DOCK8: variants seen among roughly 807,000 people sequenced by gnomAD.
The protein encoded by DOCK8 is dedicator of cytokinesis protein 8.
A neutral mutation model predicts 245.6 loss-of-function variants in DOCK8; 141 were observed. The ratio of observed to expected loss-of-function variants is 0.57; its 90% CI spans 0.50 to 0.66. The LOEUF (loss-of-function observed/expected upper bound fraction) is 0.66, where lower values mean the gene tolerates loss of function less well. Ranked by LOEUF, DOCK8 falls within the 30% of genes least tolerant of loss-of-function variation. DOCK8 has a pLI of 0.00. For missense variants in DOCK8, 2,965 were observed against 2,603.4 expected (o/e 1.14, Z -3.02); for synonymous variants, 1,168 against 970.2 (o/e 1.20, Z -3.79).
At chr9:304,134 C>T (rs535010628) in intron 4 of DOCK8, among the ~76,000 whole-genome samples, 2 of 152,162 alleles carry the variant, frequency 1.3e-5, no homozygotes, top group Non-Finnish European at 2.9e-5. Flanking sequence ...TTTTTCTTAA[C>T]CATGTCCCGC....
At chr9:371,693 C>T (rs771156156) in intron 17 of DOCK8, 127 bp downstream of exon 17, 3 of 1,260,220 alleles carry the variant, frequency 2.4e-6, no homozygotes, top group South Asian at 1.3e-5. Flanking sequence ...CATGCTAAGC[C>T]ACATTATAGC....
At chr9:455,230 C>A (rs1454361730) in intron 46 of DOCK8, among the ~76,000 whole-genome samples, 1 of 152,150 alleles carries the variant, frequency 6.6e-6, no homozygotes, top group Non-Finnish European at 1.5e-5. Context: ...TGCAGTGGCT[C>A]CGCCTCTAAT....
chr9:450,659 T>G, intron 45 of DOCK8, among the ~76,000 whole-genome samples: 1 of 152,038 alleles, frequency 6.6e-6, no homozygotes, highest in East Asian at 1.9e-4. Flanking sequence ...ACAAAAGTTC[T>G]GAGTGTACTT....
chr9:273,630 A>G (rs1449538558), intron 2 of DOCK8, among the ~76,000 whole-genome samples: 7 of 151,784 alleles, frequency 4.6e-5, no homozygotes, highest in Non-Finnish European at 1.0e-4. Flanking sequence ...CTCCTAAGAG[A>G]CGTTAAGGAA....
At chr9:431,656 C>T (rs2056718500) in intron 36 of DOCK8, among the ~76,000 whole-genome samples, 3 of 152,066 alleles carry the variant, frequency 2.0e-5, no homozygotes, top group Admixed American at 2.0e-4. Context: ...TTACAGGTGT[C>T]CACCACCATG....
chr9:222,128 T>G (rs1303733524), intron 1 of DOCK8, among the ~76,000 whole-genome samples: 1 of 151,696 alleles, frequency 6.6e-6, no homozygotes, highest in Non-Finnish European at 1.5e-5. Context: ...GCAGACAGGG[T>G]GGTGCATGCC....
chr9:397,223 A>G (rs1178345186), intron 25 of DOCK8, among the ~76,000 whole-genome samples: 1 of 151,670 alleles, frequency 6.6e-6, no homozygotes, highest in Non-Finnish European at 1.5e-5. Context: ...ATGGTTGTGC[A>G]TATCTGTAAT....
At position 370,415 on chromosome 9, in the gene DOCK8, G is replaced by A. The variant is rs776637497; in HGVS notation, c.1868+115G>A. The A allele has an allele frequency of 3.2e-5, 29 of 907,466 alleles. No individual in the cohort carries two copies. The Admixed American group carries it at 5.2e-4, about 16-fold the overall frequency. 56.2% of individuals were successfully genotyped at this position (907,466 alleles called of 1,614,324 possible). A position where few individuals can be genotyped will look rare whatever the true frequency, so the allele number is the denominator to read the frequency against. On this transcript the variant is annotated intron_variant, in intron 16 of 47. Coordinates refer to ENST00000432829, the MANE Select transcript of DOCK8 (RefSeq NM_203447.4). Reference sequence around the variant, plus strand: ...ATTTTTATAATTCAGGGACTGAGGGGCAAAGGAAATCCATGCCAGTTCCGT... The same window carrying A: ...ATTTTTATAATTCAGGGACTGAGGGACAAAGGAAATCCATGCCAGTTCCGT...
chr9:328,901 A>G (rs1461575588), intron 9 of DOCK8, among the ~76,000 whole-genome samples: 4 of 109,688 alleles, frequency 3.6e-5, no homozygotes, highest in Non-Finnish European at 5.7e-5. Context: ...AACATCAGGT[A>G]TTTTACCTAC....
At chr9:224,390 T>C (rs948574311) in intron 1 of DOCK8, among the ~76,000 whole-genome samples, 2 of 152,182 alleles carry the variant, frequency 1.3e-5, no homozygotes, top group Non-Finnish European at 2.9e-5. Flanking sequence ...ACCTCATTGC[T>C]TGGAGACTCA....
chr9:304,440 T>A, intron 4 of DOCK8, 141 bp from the exon 5 acceptor site: 1 of 1,111,982 alleles, frequency 9.0e-7, no homozygotes. Flanking sequence ...TAATTAAATG[T>A]GAGGAATTAT....
intron 46 of DOCK8, among the ~76,000 whole-genome samples, chr9:461,908 T>C (rs1293804311): frequency 6.6e-6 from 1 of 151,988 alleles, no homozygotes; most frequent in Non-Finnish European, 1.5e-5. Flanking sequence ...TCCTGGTCTC[T>C]TTTTTCATTT....
At chr9:340,596 G>A (rs781085023) in intron 14 of DOCK8, 5 of 347,590 alleles carry the variant, frequency 1.4e-5, no homozygotes, top group Non-Finnish European at 2.7e-5. Flanking sequence ...ACTCCAGCCT[G>A]GGAGACAGAA....
intron 2 of DOCK8, chr9:276,964 G>A (rs912874622): frequency 8.9e-6 from 3 of 337,258 alleles, no homozygotes; most frequent in Non-Finnish European, 1.2e-5. Context: ...GCACCATTGC[G>A]CCTGGCTAAT....
intron 1 of DOCK8, among the ~76,000 whole-genome samples, chr9:258,667 G>T (rs927737543): frequency 1.5e-5 from 2 of 136,770 alleles, no homozygotes; most frequent in African/African-American, 5.5e-5. Context: ...TCACGATCTC[G>T]GCATACTGCA....
chr9:375,633 G>A (rs7028758), intron 18 of DOCK8, among the ~76,000 whole-genome samples: 61,883 of 152,004 alleles, frequency 0.41, 16,435 homozygotes, highest in African/African-American at 0.76. Flanking sequence ...ACACCGTTCA[G>A]CCCTCTTCTC....
intron 8 of DOCK8, among the ~76,000 whole-genome samples, chr9:327,473 A>G (rs1305333644): frequency 7.2e-6 from 1 of 138,600 alleles, no homozygotes; most frequent in African/African-American, 2.8e-5. Flanking sequence ...GGCTTACTGC[A>G]CCCTCTGCCT....
chr9:447,211 G>A (rs1287117758), intron 44 of DOCK8, among the ~76,000 whole-genome samples: 1 of 152,098 alleles, frequency 6.6e-6, no homozygotes, highest in African/African-American at 2.4e-5. Context: ...ATTAATAAAA[G>A]GACTGGTCAA....
chr9:366,936 TATCTG>T (rs756829721), intron 14 of DOCK8, among the ~76,000 whole-genome samples: 3 of 152,186 alleles, frequency 2.0e-5, no homozygotes, highest in Non-Finnish European at 4.4e-5. Context: ...TCAGGGCTCT[TATCTG>T]AGAGAATACA....
Sources: allele counts gnomAD v4.1 joint callset (sites outside exome capture counted in the v4.1 genomes callset), GRCh38; gene constraint gnomAD v4.1.1; transcripts MANE v1.5; gene names NCBI Gene and HGNC (gene_info 2026-07-23, HGNC 2026-07-21).